KIRREL3: variants seen among roughly 807,000 people sequenced by gnomAD.
KIRREL3 encodes the protein kin of IRRE-like protein 3.
A neutral mutation model predicts 89.7 loss-of-function variants in KIRREL3; 36 were observed. The observed-to-expected ratio is 0.40, with a 90% CI of 0.31 to 0.53. KIRREL3 has a LOEUF of 0.53. Ranked by LOEUF, KIRREL3 falls within the 20% of genes least tolerant of loss-of-function variation. The pLI, the probability that KIRREL3 is intolerant of heterozygous loss-of-function variation, is 0.49. For missense variants in KIRREL3, 864 were observed against 1,056.6 expected (o/e 0.82, Z 2.53); for synonymous variants, 445 against 441.4 (o/e 1.01, Z -0.10).
At chr11:126,932,658 G>A (rs576742585) in intron 1 of KIRREL3, among the ~76,000 whole-genome samples, 1 of 152,308 alleles carries the variant, frequency 6.6e-6, no homozygotes, top group African/African-American at 2.4e-5. Flanking sequence ...CTTCTGCTGT[G>A]AGTCCCAGCT....
intron 1 of KIRREL3, among the ~76,000 whole-genome samples, chr11:126,855,229 G>C (rs899017252): frequency 6.6e-6 from 1 of 152,242 alleles, no homozygotes; most frequent in Non-Finnish European, 1.5e-5. Flanking sequence ...GAGGGCCCTA[G>C]TGGGAGGTGA....
chr11:126,944,135 C>A (rs2135123649), intron 1 of KIRREL3, among the ~76,000 whole-genome samples: 1 of 152,258 alleles, frequency 6.6e-6, no homozygotes, highest in African/African-American at 2.4e-5. Context: ...CCCCAGCTTA[C>A]CATCATCAGA....
intron 1 of KIRREL3, among the ~76,000 whole-genome samples, chr11:126,998,267 AT>A (rs1950228439): frequency 6.6e-6 from 1 of 152,222 alleles, no homozygotes; most frequent in Non-Finnish European, 1.5e-5. Flanking sequence ...AGATAACCAT[AT>A]CACATTGCAG....
Position 126,995,547 on chromosome 11 carries a change from C to T in KIRREL3, c.55+4908G>A. Reference sequence around the variant, plus strand: ...TGCCCCTCTAGCCCCCTTAGCATCCCCCATCTATATCAAGACCATAAAACC... The same window carrying T: ...TGCCCCTCTAGCCCCCTTAGCATCCTCCATCTATATCAAGACCATAAAACC... On this transcript the variant is annotated intron_variant, in intron 1 of 16. Transcript: ENST00000525144. This position sits in a 1 kb window ranked among gnomAD's most constrained non-coding sequence, Gnocchi z 6.5. 5.8e-6 allele frequency: 2 copies of T among 347,694 alleles called. No homozygotes were observed. The highest frequency in any genetic ancestry group is 2.2e-5 in the South Asian group (1 of 45,402). The allele number at this position is 347,694 out of a possible 1,614,324, so 21.5% of individuals were successfully genotyped here. A position where few individuals can be genotyped will look rare whatever the true frequency, so the allele number is the denominator to read the frequency against.
At position 126,551,300 on chromosome 11, in the gene KIRREL3, A is replaced by C. The variant is rs982391717; in HGVS notation, c.133+11535T>G. Among the ~76,000 whole-genome samples, 10 of 152,130 alleles carry C rather than the reference A, an allele frequency of 6.6e-5. No individual in the cohort carries two copies. The highest frequency in any genetic ancestry group is 2.4e-4 in the African/African-American group (10 of 41,422). On this transcript the variant is annotated intron_variant, in intron 2 of 16. Coordinates refer to ENST00000525144, the MANE Select transcript of KIRREL3 (RefSeq NM_032531.4). This position sits in a 1 kb window ranked among gnomAD's most constrained non-coding sequence, Gnocchi z 4.9. ...CTCAGGGAAGGGTCTTAAGACCCAC[A>C]ATCAGAAAGTGGTGAAAGGTTAGAG...
Position 126,438,493 on chromosome 11 carries a change from G to A in KIRREL3, c.1354-1484C>T, listed in dbSNP as rs188542135. On this transcript the variant is annotated intron_variant, in intron 11 of 16. Transcript: ENST00000525144. The stretch of plus-strand genomic sequence containing the variant: ...GCAGCACCCTGGCCTCTACACACCC[G>A]GTGCCAGGAGTATCCTCCAAGTGAT... Among the ~76,000 whole-genome samples, 251 of 152,284 alleles carry A rather than the reference G, an allele frequency of 1.6e-3. 2 individuals are homozygous for A. Among genetic ancestry groups the A allele is most frequent in the African/African-American group, 5.6e-3 (231 of 41,556 alleles).
chr11:126,465,758 C>T (rs1237702837), intron 5 of KIRREL3, among the ~76,000 whole-genome samples: 2 of 152,158 alleles, frequency 1.3e-5, no homozygotes, highest in Non-Finnish European at 2.9e-5. Context: ...AGGACCACTG[C>T]AGAGGAGTGA....
chr11:126,425,557 T>G, intron 16 of KIRREL3, 81 bp downstream of exon 16: 2 of 1,211,030 alleles, frequency 1.7e-6, no homozygotes, highest in Non-Finnish European at 2.4e-6. Context: ...CTGTCATTTG[T>G]TGTATAGATT....
chr11:126,618,014 T>C (rs1943423819), intron 1 of KIRREL3, among the ~76,000 whole-genome samples: 1 of 152,194 alleles, frequency 6.6e-6, no homozygotes, highest in African/African-American at 2.4e-5. Context: ...GATAATGTGG[T>C]TGGTGTTCTC....
chr11:126,693,764 G>A (rs558371335), intron 1 of KIRREL3, among the ~76,000 whole-genome samples: 9 of 152,202 alleles, frequency 5.9e-5, no homozygotes, highest in Admixed American at 5.2e-4. Context: ...TGATAAAGTC[G>A]CATCTGGTAG....
In KIRREL3 at chr11:126,876,361, T is replaced by C. The variant is rs1592264884; in HGVS notation, c.55+124094A>G. 6.6e-6 allele frequency among the ~76,000 whole-genome samples: 1 copy of C among 152,134 alleles called. No individual in the cohort carries two copies. The highest frequency in any genetic ancestry group is 2.1e-4 in the South Asian group (1 of 4,824). Reference sequence around the variant, plus strand: ...GAAAGGGAAAATGTGGAGAAGCAGATAGCAATGTGGTAAAAAGATGCTTGG... The same window carrying C: ...GAAAGGGAAAATGTGGAGAAGCAGACAGCAATGTGGTAAAAAGATGCTTGG... On this transcript the variant is annotated intron_variant, in intron 1 of 16. Transcript: ENST00000525144. The surrounding 1 kb of genome is among the most constrained non-coding windows in gnomAD (Gnocchi z 4.1).
intron 1 of KIRREL3, among the ~76,000 whole-genome samples, chr11:126,722,738 T>C (rs1447502934): frequency 6.6e-6 from 1 of 152,250 alleles, no homozygotes; most frequent in Non-Finnish European, 1.5e-5. Flanking sequence ...CCCACTAGAA[T>C]GTAAGCTCCG....
chr11:126,756,745 CT>C (rs1347954907), intron 1 of KIRREL3, among the ~76,000 whole-genome samples: 1 of 152,260 alleles, frequency 6.6e-6, no homozygotes, highest in Non-Finnish European at 1.5e-5. Flanking sequence ...TCCACCTCCA[CT>C]CCCAATGTGC....
At position 126,563,614 on chromosome 11, in the gene KIRREL3, C is replaced by T. The variant is rs889827263; in HGVS notation, c.56-702G>A. 6.6e-5 allele frequency among the ~76,000 whole-genome samples: 10 copies of T among 152,274 alleles called. No homozygotes were observed. The highest frequency in any genetic ancestry group is 8.8e-5 in the Non-Finnish European group (6 of 68,028). ...CAGGGGTCGAGATAGCTGAGAGACA[C>T]GGACTCCACAGGGCTTTGACCCAGT... On this transcript the variant is annotated intron_variant, in intron 1 of 16. Transcript: ENST00000525144. This position sits in a 1 kb window ranked among gnomAD's most constrained non-coding sequence, Gnocchi z 6.8.
At position 126,867,911 on chromosome 11, in the gene KIRREL3, C is replaced by T. The variant is rs908035196; in HGVS notation, c.55+132544G>A. On this transcript the variant is annotated intron_variant, in intron 1 of 16. Coordinates refer to ENST00000525144, the MANE Select transcript of KIRREL3 (RefSeq NM_032531.4). The surrounding 1 kb of genome is among the most constrained non-coding windows in gnomAD (Gnocchi z 4.7). ...ATGTCTTATATATCTGTATCCCCTA[C>T]AGCACCTAACCTCAGAGCTAGACAT... Among the ~76,000 whole-genome samples the T allele has an allele frequency of 1.3e-5, 2 of 152,160 alleles. No individual in the cohort carries two copies. The highest frequency in any genetic ancestry group is 2.4e-5 in the African/African-American group (1 of 41,434).
chr11:126,625,564 C>T (rs1943749422), intron 1 of KIRREL3, among the ~76,000 whole-genome samples: 1 of 152,128 alleles, frequency 6.6e-6, no homozygotes, highest in African/African-American at 2.4e-5. Context: ...TTCCATCAGC[C>T]CCTCTCTGCT....
chr11:126,718,083 C>A (rs1458979378), intron 1 of KIRREL3, among the ~76,000 whole-genome samples: 1 of 152,192 alleles, frequency 6.6e-6, no homozygotes, highest in Non-Finnish European at 1.5e-5. Flanking sequence ...ATTCAATGAT[C>A]TCCTACCTGG....
At chr11:126,838,383 T>G (rs1413454793) in intron 1 of KIRREL3, among the ~76,000 whole-genome samples, 1 of 152,230 alleles carries the variant, frequency 6.6e-6, no homozygotes, top group Non-Finnish European at 1.5e-5. Flanking sequence ...GACTGCACCT[T>G]CTATAACATT....
chr11:126,854,689 T>C (rs1030516529), intron 1 of KIRREL3, among the ~76,000 whole-genome samples: 1 of 152,260 alleles, frequency 6.6e-6, no homozygotes, highest in African/African-American at 2.4e-5. Context: ...AACACGGATG[T>C]ACGAACATCT....
Sources: gnomAD v4.1 joint callset for allele counts (sites outside exome capture counted in the v4.1 genomes callset) on GRCh38, gnomAD v4.1.1 for gene constraint, Gnocchi (gnomAD v3.1) non-coding constraint, MANE v1.5 for transcripts, NCBI Gene and HGNC (gene_info 2026-07-23, HGNC 2026-07-21) for gene names.